RNF130: variants seen among roughly 807,000 people sequenced by gnomAD.
The protein encoded by RNF130 is E3 ubiquitin-protein ligase RNF130.
A neutral mutation model predicts 44.6 loss-of-function variants in RNF130; 21 were observed. That is an observed-to-expected ratio of 0.47 (90% confidence interval 0.33 to 0.68). RNF130 has a LOEUF of 0.68. RNF130 is among the 30% of genes least tolerant of loss of function. The pLI is 0.02. For missense variants in RNF130, 479 were observed against 560.6 expected, an observed-to-expected ratio of 0.85 and a Z score of 1.47; for synonymous variants, 214 against 210.4, an observed-to-expected ratio of 1.02 and a Z score of -0.15.
chr5:180,027,051 T>C (rs1335638014), intron 2 of RNF130, among the ~76,000 whole-genome samples: 1 of 152,208 alleles, frequency 6.6e-6, no homozygotes, highest in African/African-American at 2.4e-5. Flanking sequence ...TACCAGTTCT[T>C]ACTAGTTCAC....
intron 1 of RNF130, among the ~76,000 whole-genome samples, chr5:180,051,051 C>T (rs1407284950): frequency 1.3e-5 from 2 of 152,142 alleles, no homozygotes; most frequent in African/African-American, 4.8e-5. Context: ...AATCTGCCCA[C>T]CTCGACCTCC....
At chr5:179,962,414 T>A (rs1351511118) in intron 8 of RNF130, among the ~76,000 whole-genome samples, 2 of 152,204 alleles carry the variant, frequency 1.3e-5, no homozygotes, top group African/African-American at 4.8e-5. Flanking sequence ...TTACATCAAC[T>A]GCATGAGGTA....
intron 3 of RNF130, among the ~76,000 whole-genome samples, chr5:180,011,167 T>C (rs964478134): frequency 6.6e-6 from 1 of 152,206 alleles, no homozygotes; most frequent in Admixed American, 6.5e-5. Flanking sequence ...ATAATTGATC[T>C]GTACTTTTCA....
At chr5:180,049,836 C>T (rs1181983123) in intron 1 of RNF130, among the ~76,000 whole-genome samples, 1 of 152,044 alleles carries the variant, frequency 6.6e-6, no homozygotes, top group African/African-American at 2.4e-5. Context: ...TCCTTTCTGC[C>T]TCTGAATATA....
exon 8 of RNF130, chr5:179,916,654 G>C (rs968972769): frequency 6.6e-6 from 1 of 152,330 alleles, no homozygotes; most frequent in Non-Finnish European, 1.5e-5. Context: ...AGGACCACCA[G>C]GGGAGCTGGG....
chr5:180,048,108 T>C (rs1025409710), intron 1 of RNF130, among the ~76,000 whole-genome samples: 2 of 152,124 alleles, frequency 1.3e-5, no homozygotes, highest in Non-Finnish European at 2.9e-5. Flanking sequence ...CAGTTTCTAA[T>C]AGACACAGCT....
Position 179,942,706 on chromosome 5 carries a change from A to G in RNF130, c.1151-22280T>C, listed in dbSNP as rs79739726. On this transcript the variant is annotated intron_variant, in intron 7 of 7. Transcript: ENST00000522208. ...AGCCTTAGCTGTTTAAACTGTAATC[A>G]TTAGAGTACATTTGTGAAGTCCCTT... Among the ~76,000 whole-genome samples the G allele has an allele frequency of 5.9e-3, 892 of 152,350 alleles. 5 individuals carry two copies. Among genetic ancestry groups the G allele is most frequent in the Non-Finnish European group, 9.2e-3 (629 of 68,030 alleles).
chr5:179,928,337 T>A (rs1761736550), intron 7 of RNF130, among the ~76,000 whole-genome samples: 1 of 151,696 alleles, frequency 6.6e-6, no homozygotes, highest in African/African-American at 2.4e-5. Context: ...TCTCTTTCTG[T>A]GCCAATAATG....
intron 3 of RNF130, among the ~76,000 whole-genome samples, chr5:180,000,112 T>C (rs1763299814): frequency 6.6e-6 from 1 of 152,232 alleles, no homozygotes; most frequent in Admixed American, 6.5e-5. Flanking sequence ...TGTATAACTT[T>C]CTCAATTTTT....
At chr5:179,964,723 C>T (rs1265923613) in intron 7 of RNF130, among the ~76,000 whole-genome samples, 1 of 152,214 alleles carries the variant, frequency 6.6e-6, no homozygotes, top group African/African-American at 2.4e-5. Flanking sequence ...CGCAGCACTG[C>T]TCCTGGGGAC....
At chr5:180,020,305 C>T (rs190446312) in intron 2 of RNF130, among the ~76,000 whole-genome samples, 22 of 152,206 alleles carry the variant, frequency 1.4e-4, no homozygotes, top group South Asian at 2.1e-4. Flanking sequence ...CAGTGACAGG[C>T]GGGGAAGCAC....
At chr5:179,999,498 G>C (rs1031125221) in intron 3 of RNF130, among the ~76,000 whole-genome samples, 1 of 151,960 alleles carries the variant, frequency 6.6e-6, no homozygotes, top group African/African-American at 2.4e-5. Flanking sequence ...AAGACGGGCG[G>C]ATCACCTGAG....
intron 7 of RNF130, among the ~76,000 whole-genome samples, chr5:179,926,780 CTT>C (rs1761712698): frequency 6.6e-6 from 1 of 152,238 alleles, no homozygotes; most frequent in South Asian, 2.1e-4. Context: ...GGGTTGAACA[CTT>C]GGGCTTGCGC....
At chr5:180,000,411 G>T (rs1763305446) in intron 3 of RNF130, among the ~76,000 whole-genome samples, 1 of 152,100 alleles carries the variant, frequency 6.6e-6, no homozygotes, top group African/African-American at 2.4e-5. Context: ...GGAACCACTG[G>T]GCTACCTGGA....
In RNF130 at chr5:180,022,683, A is replaced by C. The variant is rs948280810; in HGVS notation, c.443-9372T>G. ...CCTTCTCCATTTGAACTGTTACTTA[A>C]GCCACGTCTCCACTTAAGCCACGTC... On this transcript the variant is annotated intron_variant, in intron 2 of 8. Transcript: ENST00000521389. 7.2e-5 allele frequency among the ~76,000 whole-genome samples: 11 copies of C among 152,102 alleles called. No individual in the cohort carries two copies. The East Asian group carries it at 2.1e-3, about 29-fold the overall frequency.
At chr5:180,031,108 A>G (rs920820373) in intron 2 of RNF130, among the ~76,000 whole-genome samples, 4 of 152,240 alleles carry the variant, frequency 2.6e-5, no homozygotes, top group African/African-American at 9.6e-5. Flanking sequence ...ATTTTCTTAT[A>G]TAACAGCATA....
At chr5:179,971,432 C>T (rs1762584397) in intron 5 of RNF130, among the ~76,000 whole-genome samples, 1 of 152,212 alleles carries the variant, frequency 6.6e-6, no homozygotes, top group Non-Finnish European at 1.5e-5. Context: ...TGCAGTCGTG[C>T]AATCTCTGCT....
At chr5:180,048,300 C>T (rs575479290) in intron 1 of RNF130, among the ~76,000 whole-genome samples, 2 of 152,110 alleles carry the variant, frequency 1.3e-5, no homozygotes, top group Non-Finnish European at 2.9e-5. Context: ...GTCCGGTTTA[C>T]GGCAAATCAC....
chr5:180,041,224 T>C (rs1452382064), intron 1 of RNF130, among the ~76,000 whole-genome samples: 1 of 152,272 alleles, frequency 6.6e-6, no homozygotes, highest in Non-Finnish European at 1.5e-5. Flanking sequence ...TTTTGGCTTA[T>C]ATTTGAAAGT....
Sources: gnomAD v4.1 joint callset for allele counts (sites outside exome capture counted in the v4.1 genomes callset) on GRCh38, gnomAD v4.1.1 for gene constraint, MANE v1.5 for transcripts, NCBI Gene and HGNC (gene_info 2026-07-23, HGNC 2026-07-21) for gene names.